DCC: variants seen among roughly 807,000 people sequenced by gnomAD.
The protein encoded by DCC is DCC netrin 1 receptor.
In DCC, 58 loss-of-function variants were observed where a neutral mutation model predicts 172.5. The observed-to-expected ratio is 0.34, with a 90% confidence interval of 0.27 to 0.42. The LOEUF (loss-of-function observed/expected upper bound fraction) is 0.42. Ranked by LOEUF, DCC falls within the 10% of genes least tolerant of loss-of-function variation. The pLI, the probability that DCC is intolerant of heterozygous loss-of-function variation, is 1.00. For missense variants in DCC, 1,740 were observed against 1,791.0 expected, an observed-to-expected ratio of 0.97 and a Z score of 0.51; for synonymous variants, 709 against 644.5, an observed-to-expected ratio of 1.10 and a Z score of -1.52.
chr18:53,302,140 C>T (rs1242745991), intron 12 of DCC, among the ~76,000 whole-genome samples: 5 of 152,166 alleles, frequency 3.3e-5, no homozygotes, highest in South Asian at 2.1e-4. Flanking sequence ...GACCTACCCT[C>T]GTGAACTAAT....
intron 1 of DCC, among the ~76,000 whole-genome samples, chr18:52,599,066 A>G (rs2033965158): frequency 6.6e-6 from 1 of 152,194 alleles, no homozygotes; most frequent in African/African-American, 2.4e-5. Flanking sequence ...TACAACATAA[A>G]TTTTGCAGAG....
chr18:52,893,257 A>G (rs2039678610), intron 2 of DCC, among the ~76,000 whole-genome samples: 1 of 152,104 alleles, frequency 6.6e-6, no homozygotes, highest in African/African-American at 2.4e-5. Context: ...AGAAGAGGGT[A>G]GTCCTATGAA....
chr18:52,969,558 C>A (rs950543539), intron 5 of DCC, among the ~76,000 whole-genome samples: 14 of 137,438 alleles, frequency 1.0e-4, no homozygotes, highest in African/African-American at 3.7e-4. Context: ...GCCTCTAATG[C>A]AATTTCCTTA....
chr18:52,401,110 A>AAATAAT (rs930406660), intron 1 of DCC, among the ~76,000 whole-genome samples: 1 of 151,426 alleles, frequency 6.6e-6, no homozygotes, highest in Non-Finnish European at 1.5e-5. Context: ...TAATAATGAT[A>AAATAAT]AATAATAATA....
At chr18:53,510,814 A>G (rs1041708928) in intron 27 of DCC, among the ~76,000 whole-genome samples, 1 of 152,078 alleles carries the variant, frequency 6.6e-6, no homozygotes, top group Non-Finnish European at 1.5e-5. Context: ...TACCTCTTTC[A>G]TCACCCCCTG....
intron 1 of DCC, among the ~76,000 whole-genome samples, chr18:52,562,481 G>C (rs1207921113): frequency 1.3e-5 from 2 of 152,080 alleles, no homozygotes; most frequent in South Asian, 2.1e-4. Flanking sequence ...CATAGAGTTT[G>C]TTTAATATTT....
chr18:52,432,073 T>A (rs1987643036), intron 1 of DCC, among the ~76,000 whole-genome samples: 1 of 152,192 alleles, frequency 6.6e-6, no homozygotes. Flanking sequence ...TTATCTTCTT[T>A]CCCTGATGGC....
At chr18:52,549,811 C>A (rs1205234870) in intron 1 of DCC, among the ~76,000 whole-genome samples, 1 of 151,692 alleles carries the variant, frequency 6.6e-6, no homozygotes, top group Non-Finnish European at 1.5e-5. Context: ...CTTTTCCAGG[C>A]ACTGCTTTTT....
chr18:53,050,342 AGTTGACACTTATCCATC>A (rs1399871814), intron 5 of DCC, among the ~76,000 whole-genome samples: 1 of 152,078 alleles, frequency 6.6e-6, no homozygotes, highest in Non-Finnish European at 1.5e-5. Flanking sequence ...AATCCAATCA[AGTTGACACTTATCCATC>A]GTGGGCAATA....
chr18:53,224,457 C>T (rs2055993792), intron 12 of DCC, among the ~76,000 whole-genome samples: 1 of 152,064 alleles, frequency 6.6e-6, no homozygotes, highest in Non-Finnish European at 1.5e-5. Context: ...CAATGAAAAG[C>T]ATATTGAAAG....
At chr18:53,008,935 C>T (rs2041686547) in intron 5 of DCC, among the ~76,000 whole-genome samples, 1 of 151,828 alleles carries the variant, frequency 6.6e-6, no homozygotes, top group South Asian at 2.1e-4. Flanking sequence ...TATTTCTAAC[C>T]TGAGAAGTTT....
intron 9 of DCC, among the ~76,000 whole-genome samples, chr18:53,194,165 A>T (rs1047836454): frequency 2.6e-5 from 4 of 152,210 alleles, no homozygotes; most frequent in African/African-American, 7.2e-5. Flanking sequence ...AGATTTTTGC[A>T]TGCAGAAATA....
intron 20 of DCC, among the ~76,000 whole-genome samples, chr18:53,411,257 T>A (rs1909973017): frequency 6.6e-6 from 1 of 152,154 alleles, no homozygotes; most frequent in Non-Finnish European, 1.5e-5. Flanking sequence ...CAGTATTATT[T>A]TTCTGGGGGA....
chr18:52,993,963 C>A (rs2041437968), intron 5 of DCC, among the ~76,000 whole-genome samples: 1 of 152,052 alleles, frequency 6.6e-6, no homozygotes, highest in Non-Finnish European at 1.5e-5. Flanking sequence ...AATGATCAGG[C>A]ATTGCACCAT....
chr18:52,917,872 T>A (rs2145474861), intron 3 of DCC, among the ~76,000 whole-genome samples: 1 of 152,320 alleles, frequency 6.6e-6, no homozygotes, highest in African/African-American at 2.4e-5. Flanking sequence ...CTGCTTTTAA[T>A]CGATTTAGAA....
At chr18:52,903,645 T>G (rs1471802454) in intron 2 of DCC, among the ~76,000 whole-genome samples, 1 of 152,248 alleles carries the variant, frequency 6.6e-6, no homozygotes, top group Non-Finnish European at 1.5e-5. Flanking sequence ...CTTGTGTATA[T>G]TGGAAAATTA....
chr18:53,192,925 G>A (rs2055387042), intron 9 of DCC, among the ~76,000 whole-genome samples: 1 of 152,100 alleles, frequency 6.6e-6, no homozygotes, highest in African/African-American at 2.4e-5. Flanking sequence ...TGTATTGCAG[G>A]AGTCATTCCT....
At chr18:53,275,219 A>C (rs2056791591) in intron 12 of DCC, among the ~76,000 whole-genome samples, 1 of 152,136 alleles carries the variant, frequency 6.6e-6, no homozygotes, top group South Asian at 2.1e-4. Context: ...ATTAGAGAAC[A>C]ACATATACCC....
intron 5 of DCC, among the ~76,000 whole-genome samples, chr18:53,009,264 A>G (rs1209314368): frequency 2.0e-5 from 3 of 151,888 alleles, no homozygotes; most frequent in Non-Finnish European, 4.4e-5. Flanking sequence ...AGCTTTTATT[A>G]TTTTCTGATG....
Sources: allele counts gnomAD v4.1 joint callset (sites outside exome capture counted in the v4.1 genomes callset), GRCh38; gene constraint gnomAD v4.1.1; transcripts MANE v1.5; gene names NCBI Gene and HGNC (gene_info 2026-07-23, HGNC 2026-07-21).